The following GREM2 variants were observed in gnomAD, a reference collection of about 807,000 sequenced individuals.
GREM2 encodes the protein gremlin-2.
In GREM2, 11 loss-of-function variants were observed where a neutral mutation model predicts 14.2. That is an observed-to-expected ratio of 0.78 (90% confidence interval 0.49 to 1.28). GREM2 has a LOEUF of 1.28. Ranked by LOEUF, GREM2 falls within the 50% of genes most tolerant of loss-of-function variation. The probability of loss-of-function intolerance (pLI) is 0.00; values close to 1 mark genes in which losing one functional copy is unlikely to be tolerated. For synonymous variants in GREM2, 98 were observed against 97.6 expected, an observed-to-expected ratio of 1.00 and a Z score of -0.02; for missense variants, 210 against 218.5, an observed-to-expected ratio of 0.96 and a Z score of 0.24.
chr1:240,574,969 T>C (rs1255955304), intron 1 of GREM2, among the ~76,000 whole-genome samples: 1 of 151,870 alleles, frequency 6.6e-6, no homozygotes, highest in Non-Finnish European at 1.5e-5. Flanking sequence ...TAGCTGGGCG[T>C]GTTGGCGTGC....
intron 1 of GREM2, among the ~76,000 whole-genome samples, chr1:240,535,411 G>C (rs12029786): frequency 0.22 from 32,822 of 152,014 alleles, 3,768 homozygotes; most frequent in South Asian, 0.3. Context: ...AGTTTGTAAA[G>C]AAGAAAGATA....
intron 1 of GREM2, among the ~76,000 whole-genome samples, chr1:240,513,372 C>T (rs562083688): frequency 2.6e-5 from 4 of 152,002 alleles, no homozygotes; most frequent in Admixed American, 6.5e-5. Flanking sequence ...GTCAAGAGAT[C>T]GAGATCAACC....
At chr1:240,538,147 C>G (rs1287904578) in intron 1 of GREM2, among the ~76,000 whole-genome samples, 1 of 152,198 alleles carries the variant, frequency 6.6e-6, no homozygotes, top group Non-Finnish European at 1.5e-5. Context: ...CCACGCTGAT[C>G]TTAAATTTAG....
At chr1:240,499,086 C>T (rs566650683) in intron 1 of GREM2, among the ~76,000 whole-genome samples, 1 of 152,326 alleles carries the variant, frequency 6.6e-6, no homozygotes, top group South Asian at 2.1e-4. Flanking sequence ...CATCACAGGC[C>T]CCTTCTATCA....
intron 1 of GREM2, among the ~76,000 whole-genome samples, chr1:240,547,494 C>T (rs556372611): frequency 1.8e-3 from 159 of 87,930 alleles, no homozygotes; most frequent in African/African-American, 7.5e-3. Context: ...AGTGAGACTC[C>T]ATCTCAAAAA....
At chr1:240,504,340 T>C (rs1677635256) in intron 1 of GREM2, among the ~76,000 whole-genome samples, 1 of 152,230 alleles carries the variant, frequency 6.6e-6, no homozygotes, top group Non-Finnish European at 1.5e-5. Flanking sequence ...TCTGGGTAAC[T>C]GGTCTTCAAA....
chr1:240,601,892 G>A (rs576033091), intron 1 of GREM2, among the ~76,000 whole-genome samples: 3 of 141,686 alleles, frequency 2.1e-5, no homozygotes, highest in South Asian at 2.3e-4. Flanking sequence ...CAGCCTGGGC[G>A]ACAGAGTGAG....
At chr1:240,575,122 A>G (rs1679336878) in intron 1 of GREM2, among the ~76,000 whole-genome samples, 1 of 151,910 alleles carries the variant, frequency 6.6e-6, no homozygotes, top group Admixed American at 6.6e-5. Context: ...AAAAAATAAT[A>G]ATAAAATAAA....
chr1:240,511,083 T>G (rs1246774726), intron 1 of GREM2, among the ~76,000 whole-genome samples: 1 of 152,240 alleles, frequency 6.6e-6, no homozygotes, highest in East Asian at 1.9e-4. Flanking sequence ...GTTTTCAGTT[T>G]TACAAGTAAT....
At chr1:240,539,880 G>A (rs1678548418) in intron 1 of GREM2, among the ~76,000 whole-genome samples, 1 of 152,108 alleles carries the variant, frequency 6.6e-6, no homozygotes, top group South Asian at 2.1e-4. Flanking sequence ...GAGACCTTGT[G>A]GCTTTTGATT....
chr1:240,564,517 A>C (rs1679137272), intron 1 of GREM2, among the ~76,000 whole-genome samples: 6 of 151,862 alleles, frequency 4.0e-5, no homozygotes. Context: ...CAAAAAAAAA[A>C]AAAATTAAAA....
chr1:240,527,712 C>T (rs1359421129), intron 1 of GREM2, among the ~76,000 whole-genome samples: 1 of 152,194 alleles, frequency 6.6e-6, no homozygotes, highest in Non-Finnish European at 1.5e-5. Flanking sequence ...CTAATCTCTA[C>T]CACAGTACAC....
At chr1:240,552,722 T>C (rs1346128851) in intron 1 of GREM2, among the ~76,000 whole-genome samples, 1 of 152,186 alleles carries the variant, frequency 6.6e-6, no homozygotes, top group African/African-American at 2.4e-5. Context: ...TCAGATTCAT[T>C]AGGTATAAAT....
intron 1 of GREM2, among the ~76,000 whole-genome samples, chr1:240,549,396 G>C (rs1678801303): frequency 6.6e-6 from 1 of 151,644 alleles, no homozygotes; most frequent in South Asian, 2.1e-4. Flanking sequence ...ACAGGAGTAG[G>C]GTAAAAATAA....
intron 1 of GREM2, among the ~76,000 whole-genome samples, chr1:240,598,012 T>C (rs1395673629): frequency 1.3e-5 from 2 of 152,204 alleles, no homozygotes; most frequent in African/African-American, 2.4e-5. Context: ...TTTGATAGTT[T>C]TGGCTGTCAT....
At chr1:240,598,442 A>G (rs1231245351) in intron 1 of GREM2, among the ~76,000 whole-genome samples, 1 of 152,256 alleles carries the variant, frequency 6.6e-6, no homozygotes, top group Admixed American at 6.5e-5. Flanking sequence ...CCTGACAGAA[A>G]CATGTGGGTA....
In GREM2 at chr1:240,508,991, A is replaced by G. The variant is rs1397975887; in HGVS notation, c.-1-15515T>C. On this transcript the variant is annotated intron_variant, in intron 1 of 1. Transcript: ENST00000318160. ...AATTATATCCTCATTAATAAGGACC[A>G]GAGACTAATGCAGTGATACGTAGCA... 3.9e-5 allele frequency among the ~76,000 whole-genome samples: 6 copies of G among 152,374 alleles called. No individual in the cohort carries two copies. The South Asian group carries it at 1.2e-3, about 32-fold the overall frequency.
chr1:240,562,843 AGTGTGTAT>A (rs199503230), intron 1 of GREM2, among the ~76,000 whole-genome samples: 244 of 144,682 alleles, frequency 1.7e-3, no homozygotes, highest in African/African-American at 4.9e-3. Flanking sequence ...TGTGTATATG[AGTGTGTAT>A]GTGTGTATGT....
intron 1 of GREM2, among the ~76,000 whole-genome samples, chr1:240,565,243 C>T (rs1389699921): frequency 2.0e-5 from 3 of 152,164 alleles, no homozygotes; most frequent in Admixed American, 2.0e-4. Flanking sequence ...GGACAAAGTT[C>T]TATTCAAAAG....
Sources: gnomAD v4.1 joint callset for allele counts (sites outside exome capture counted in the v4.1 genomes callset) on GRCh38, gnomAD v4.1.1 for gene constraint, MANE v1.5 for transcripts, NCBI Gene and HGNC (gene_info 2026-07-23, HGNC 2026-07-21) for gene names.